Variants in CATSPER3 observed in about 807,000 individuals in gnomAD.
The protein encoded by CATSPER3 is cation channel sperm associated 3, also known as cation channel sperm-associated protein 3.
CATSPER3 carries 23 observed loss-of-function variants against 36.6 expected under a neutral mutation model. The ratio of observed to expected loss-of-function variants is 0.63; its 90% confidence interval spans 0.45 to 0.89. The LOEUF (loss-of-function observed/expected upper bound fraction) is 0.89, where lower values mean the gene tolerates loss of function less well. Among genes scored for constraint, CATSPER3 ranks in the 40% least tolerant of loss-of-function variants. CATSPER3 has a pLI of 0.00. For synonymous variants in CATSPER3, 172 were observed against 184.1 expected (o/e 0.93, Z 0.53); for missense variants, 474 against 503.9 (o/e 0.94, Z 0.57).
At chr5:134,969,771 T>C in intron 1 of CATSPER3, 168 bp from the exon 2 acceptor site, 3 of 708,818 alleles carry the variant, frequency 4.2e-6, no homozygotes, top group Non-Finnish European at 7.4e-6. Flanking sequence ...TCATCATATA[T>C]ATGTCAGTGG....
At chr5:134,981,710 A>G (rs1436990330) in intron 2 of CATSPER3, among the ~76,000 whole-genome samples, 2 of 152,240 alleles carry the variant, frequency 1.3e-5, no homozygotes, top group South Asian at 2.1e-4. Flanking sequence ...TATTTAAAAC[A>G]TTTGGTTTTC....
chr5:135,011,465 G>T, intron 7 of CATSPER3, 56 bp from the exon 8 acceptor site: 1 of 1,300,998 alleles, frequency 7.7e-7, no homozygotes, highest in South Asian at 1.2e-5. Flanking sequence ...GGGGCCAGGG[G>T]GTCCTGGAGC....
intron 2 of CATSPER3, among the ~76,000 whole-genome samples, chr5:134,972,612 T>G (rs1444119924): frequency 6.6e-6 from 1 of 152,056 alleles, no homozygotes; most frequent in Non-Finnish European, 1.5e-5. Flanking sequence ...ATGAAAAGGT[T>G]TCAAGAGAAA....
In CATSPER3 at chr5:134,993,085, G is replaced by T. The variant is rs551057185; in HGVS notation, c.253-3188G>T. ...TATTATTCATCTTTAAAAAGGAATA[G>T]AATTCTATTTTTAAATCAGAAACCA... On this transcript the variant is annotated intron_variant, in intron 2 of 7. Coordinates refer to ENST00000282611, the MANE Select transcript of CATSPER3 (RefSeq NM_178019.3). Among the ~76,000 whole-genome samples the T allele has an allele frequency of 1.4e-3, 217 of 152,302 alleles. 1 individual carries two copies. The highest frequency in any genetic ancestry group is 3.4e-3 in the Middle Eastern group (1 of 294).
intron 2 of CATSPER3, among the ~76,000 whole-genome samples, chr5:134,991,161 C>T (rs920255806): frequency 1.3e-5 from 2 of 152,168 alleles, no homozygotes; most frequent in African/African-American, 4.8e-5. Context: ...AATGAAAAGA[C>T]ATCCTGTGTT....
intron 2 of CATSPER3, among the ~76,000 whole-genome samples, chr5:134,992,219 ACTT>A (rs1361833019): frequency 3.3e-5 from 5 of 152,186 alleles, no homozygotes; most frequent in African/African-American, 9.7e-5. Context: ...TATATAAAGA[ACTT>A]CTACAATTCA....
chr5:134,989,381 T>G (rs549988751), intron 2 of CATSPER3, among the ~76,000 whole-genome samples: 1 of 152,334 alleles, frequency 6.6e-6, no homozygotes, highest in Admixed American at 6.5e-5. Context: ...CTAGATGGCT[T>G]CTTCTTCAGA....
intron 2 of CATSPER3, among the ~76,000 whole-genome samples, chr5:134,976,888 T>C (rs1751681994): frequency 6.6e-6 from 1 of 152,196 alleles, no homozygotes; most frequent in Admixed American, 6.5e-5. Flanking sequence ...CCCAGCAATA[T>C]GGGTTCCAGA....
intron 3 of CATSPER3, among the ~76,000 whole-genome samples, chr5:135,002,047 C>A (rs1267810833): frequency 2.6e-5 from 4 of 152,206 alleles, no homozygotes; most frequent in Non-Finnish European, 4.4e-5. Context: ...GATGCAGTTT[C>A]TTCCTAGCCT....
chr5:134,968,392 T>C, intron 1 of CATSPER3: 1 of 374,418 alleles, frequency 2.7e-6, no homozygotes, highest in Non-Finnish European at 5.1e-6. Flanking sequence ...TCTTGATATA[T>C]TAGAAAAGTA....
intron 2 of CATSPER3, among the ~76,000 whole-genome samples, chr5:134,988,839 G>A (rs1751846180): frequency 6.6e-6 from 1 of 151,910 alleles, no homozygotes; most frequent in Non-Finnish European, 1.5e-5. Flanking sequence ...ATGGCATCTA[G>A]GATGGTGAAT....
rs756577794 is a variant in CATSPER3 at position 135,008,873 on chromosome 5, G to A, written c.708G>A (p.Leu236=). 1.9e-6 allele frequency: 3 copies of A among 1,614,010 alleles called. No individual in the cohort carries two copies. The highest frequency in any genetic ancestry group is 2.5e-6 in the Non-Finnish European group (3 of 1,180,032). Residue 236 remains leucine (L), a synonymous_variant, in exon 5 of 8, where the codon TTG becomes TTA. Coordinates refer to ENST00000282611, the MANE Select transcript of CATSPER3 (RefSeq NM_178019.3). ...GCTGGACAGACCTGCAGAAGCAGTT[G>A]GACAATCGGGAATTTGCTTTGAGCC... The part of the protein sequence containing the change: ...VDGWTDLQKQ[L]DNREFALSRA...
intron 1 of CATSPER3, chr5:134,968,738 T>A (rs1445209435): frequency 6.6e-6 from 1 of 152,040 alleles, no homozygotes; most frequent in Non-Finnish European, 1.5e-5. Flanking sequence ...TATTCTATAT[T>A]TTTTTAACTT....
intron 3 of CATSPER3, among the ~76,000 whole-genome samples, chr5:135,006,111 C>T (rs1434552803): frequency 6.6e-6 from 1 of 152,212 alleles, no homozygotes; most frequent in African/African-American, 2.4e-5. Context: ...CAGGAGGGAG[C>T]TACTGGCCTA....
Position 134,996,349 on chromosome 5 carries a change from G to T in CATSPER3, c.329G>T (p.Trp110Leu). Residue 110 changes from tryptophan to leucine, a missense_variant, in exon 3 of 8, where the codon TGG becomes TTG. Trp to Leu is a moderately conservative substitution (Grantham distance 61). Transcript: ENST00000282611. ...GTCTATGTGGACCCCATCAACTACT[G>T]GAAGAACGGCTACAACCTGCTGGAT... ...MKVYVDPINY[W>L]KNGYNLLDVI... 1 of 1,614,216 alleles carries T rather than the reference G, an allele frequency of 6.2e-7. No homozygotes were observed. The highest frequency in any genetic ancestry group is 8.5e-7 in the Non-Finnish European group (1 of 1,180,028).
chr5:134,970,406 G>A (rs1262781954), intron 2 of CATSPER3, among the ~76,000 whole-genome samples: 1 of 151,680 alleles, frequency 6.6e-6, no homozygotes, highest in Non-Finnish European at 1.5e-5. Context: ...TGATCCACCC[G>A]CCTCAGCCTC....
chr5:135,001,874 T>A (rs1471168084), intron 3 of CATSPER3, among the ~76,000 whole-genome samples: 2 of 152,186 alleles, frequency 1.3e-5, no homozygotes, highest in Admixed American at 6.5e-5. Flanking sequence ...GTGAGATGGG[T>A]CTCCTGAATA....
In CATSPER3 at chr5:134,968,068, G is replaced by T. The variant is rs1189550922; in HGVS notation, c.77G>T (p.Cys26Phe). 6.2e-7 allele frequency: 1 copy of T among 1,612,752 alleles called. No homozygotes were observed. The highest frequency in any genetic ancestry group is 8.5e-7 in the Non-Finnish European group (1 of 1,178,778). Residue 26 changes from cysteine to phenylalanine, a missense_variant, in exon 1 of 8, where the codon TGC becomes TTC. Physicochemically the swap from Cys to Phe is radical, Grantham distance 205. Coordinates refer to ENST00000282611, the MANE Select transcript of CATSPER3 (RefSeq NM_178019.3). ...GTTGACACTACATCGGTGGGATTTT[G>T]CCCAACATTCAAGAAATTTAAGTAA... is the stretch of plus-strand genomic sequence containing the variant. ...SPVDTTSVGFCPTFKKFKRND... is the reference protein window; with the variant it reads ...SPVDTTSVGFFPTFKKFKRND...
Position 135,008,923 on chromosome 5 carries a change from T to TG in CATSPER3, c.759dup (p.Leu254AlafsTer26). ...CGGGCATTCACCATCATCTTCATCTTGCTCGCCTCTTTCATCTTCCTCAAC... is the reference window on the plus strand; with the variant it reads ...CGGGCATTCACCATCATCTTCATCTTGGCTCGCCTCTTTCATCTTCCTCAAC... On this transcript the variant is annotated frameshift_variant, in exon 5 of 8. Coordinates refer to ENST00000282611, the MANE Select transcript of CATSPER3 (RefSeq NM_178019.3). LOFTEE classifies it high-confidence loss of function. The TG allele has an allele frequency of 6.2e-7, 1 of 1,614,024 alleles. No homozygotes were observed. The highest frequency in any genetic ancestry group is 8.5e-7 in the Non-Finnish European group (1 of 1,179,948).
Sources: allele counts gnomAD v4.1 joint callset (sites outside exome capture counted in the v4.1 genomes callset), GRCh38; gene constraint gnomAD v4.1.1; transcripts MANE v1.5; gene names NCBI Gene and HGNC (gene_info 2026-07-23, HGNC 2026-07-21).